Variants in CALB2 observed in about 807,000 individuals in gnomAD.
CALB2 encodes the protein calretinin.
CALB2 carries 34 observed loss-of-function variants against 45.9 expected under a neutral mutation model. The observed-to-expected ratio is 0.74, with a 90% CI of 0.56 to 0.99. The LOEUF (loss-of-function observed/expected upper bound fraction) is 0.99. Among genes scored for constraint, CALB2 ranks in the 50% least tolerant of loss-of-function variants. The probability of loss-of-function intolerance (pLI) is 0.00; values close to 1 mark genes in which losing one functional copy is unlikely to be tolerated. For missense variants in CALB2, 344 were observed against 339.3 expected, an observed-to-expected ratio of 1.01 and a Z score of -0.11; for synonymous variants, 142 against 129.6, an observed-to-expected ratio of 1.10 and a Z score of -0.65.
At chr16:71,389,702 G>A (rs551465538) in intron 10 of CALB2, 47 bp from the exon 11 acceptor site, 12 of 1,402,734 alleles carry the variant, frequency 8.6e-6, no homozygotes, top group African/African-American at 7.0e-5. Flanking sequence ...TCCTTGCGTC[G>A]GGACCATCCC....
Position 71,389,738 on chromosome 16 carries a change from G to A in CALB2, c.700-11G>A. 1 of 1,604,244 alleles carries A rather than the reference G, an allele frequency of 6.2e-7. No homozygotes were observed. Among genetic ancestry groups the A allele is most frequent in the Non-Finnish European group, 8.5e-7 (1 of 1,171,536 alleles). On this transcript the variant is annotated splice_polypyrimidine_tract_variant and intron_variant, in intron 10 of 10. Transcript: ENST00000302628. ...CTGAACCTGCTCTTACCCTCTCCCT[G>A]TATTTCCTAGGAAATGAATATTCAA...
At chr16:71,389,593 G>C (rs920443088) in intron 10 of CALB2, 156 bp from the exon 11 acceptor site, 1 of 759,138 alleles carries the variant, frequency 1.3e-6, no homozygotes, top group Non-Finnish European at 2.4e-6. Flanking sequence ...CCATCTGTCT[G>C]ACTCCAAAAT....
intron 4 of CALB2, among the ~76,000 whole-genome samples, chr16:71,381,372 A>G (rs1251155560): frequency 6.6e-6 from 1 of 151,422 alleles, no homozygotes; most frequent in East Asian, 1.9e-4. Context: ...TATAGTACAA[A>G]TCTACCCTTT....
chr16:71,367,667 A>G (rs1321656452), intron 1 of CALB2, among the ~76,000 whole-genome samples: 1 of 152,126 alleles, frequency 6.6e-6, no homozygotes. Context: ...CTCTTGGGAA[A>G]TGGGCCCACA....
At position 71,389,860 on chromosome 16, in the gene CALB2, A is replaced by G; in HGVS notation, c.811A>G (p.Met271Val). ...GATTGTGCTCTGCAGCGAGCCCCCCATGTAAAGTGGGGACGGGGGCTGCTT... is the reference window on the plus strand; with the variant it reads ...GATTGTGCTCTGCAGCGAGCCCCCCGTGTAAAGTGGGGACGGGGGCTGCTT... ...LEIVLCSEPPM is the reference protein window; with the variant it reads ...LEIVLCSEPPV Residue 271 changes from methionine to valine, a missense_variant, in exon 11 of 11, where the codon ATG (methionine) becomes GTG (valine). By Grantham distance (21) the Met-to-Val change is conservative (BLOSUM62 1). Transcript: ENST00000302628. The G allele has an allele frequency of 1.2e-6, 2 of 1,609,900 alleles. No homozygotes were observed. The highest frequency in any genetic ancestry group is 1.3e-5 in the African/African-American group (1 of 74,978).
chr16:71,377,720 C>A lies in CALB2; in HGVS notation c.315C>A (p.His105Gln), dbSNP rs771060964. Residue 105 changes from histidine to glutamine, a missense_variant, in exon 4 of 11, where the codon CAC (histidine) becomes CAA (glutamine). Physicochemically the swap from His to Gln is conservative, Grantham distance 24 (BLOSUM62 0). Around this residue, in one of 3 missense-constraint regions of CALB2, gnomAD observed 263 missense variants for 241.7 expected, o/e 1.09. Transcript: ENST00000302628. The part of the protein sequence containing the change: ...EENFLLCFRQ[H>Q]VGSSAEFMEA... ...ACTTCCTTCTGTGCTTCAGGCAGCA[C>A]GTGGGCTCCAGCGCCGAGTTTATGG... is the stretch of plus-strand genomic sequence containing the variant. The A allele has an allele frequency of 1.2e-6, 2 of 1,614,058 alleles. No homozygotes were observed. Among genetic ancestry groups the A allele is most frequent in the Admixed American group, 1.7e-5 (1 of 60,026 alleles).
chr16:71,377,632 C>A (rs770739478), intron 3 of CALB2, 35 bp from the exon 4 acceptor site: 1 of 1,500,256 alleles, frequency 6.7e-7, no homozygotes, highest in Admixed American at 1.7e-5. Context: ...TCAAGTCCCT[C>A]CATAACGTTA....
At chr16:71,388,348 AAAAG>A (rs1410737373) in intron 10 of CALB2, among the ~76,000 whole-genome samples, 3 of 143,722 alleles carry the variant, frequency 2.1e-5, no homozygotes, top group African/African-American at 7.5e-5. Context: ...AAAAAAAAAA[AAAAG>A]AAAAAGAAAA....
rs776949800 is a variant in CALB2 at position 71,358,775 on chromosome 16, G to A, written c.-18G>A. The A allele has an allele frequency of 2.5e-6, 4 of 1,596,280 alleles. No homozygotes were observed. The highest frequency in any genetic ancestry group is 1.7e-4 in the Middle Eastern group (1 of 5,940). The stretch of plus-strand genomic sequence containing the variant: ...CGGAGCGGGAGCGGTGCAGGCTGAG[G>A]TCTCCGAGCGGCTCGCCATGGCTGG... On this transcript the variant is annotated 5_prime_UTR_variant, in exon 1 of 11. Coordinates refer to ENST00000302628, the MANE Select transcript of CALB2 (RefSeq NM_001740.5).
intron 1 of CALB2, among the ~76,000 whole-genome samples, chr16:71,367,496 G>A (rs2042301497): frequency 6.6e-6 from 1 of 152,170 alleles, no homozygotes; most frequent in African/African-American, 2.4e-5. Flanking sequence ...TTGCTTTGAG[G>A]GAAGCCAGAG....
intron 4 of CALB2, among the ~76,000 whole-genome samples, chr16:71,379,837 T>C (rs1339934089): frequency 6.6e-6 from 1 of 152,214 alleles, no homozygotes; most frequent in Non-Finnish European, 1.5e-5. Context: ...ATTTTTTAAG[T>C]GACAGCTTGC....
chr16:71,375,049 G>A (rs957184964), intron 3 of CALB2, among the ~76,000 whole-genome samples: 2 of 152,192 alleles, frequency 1.3e-5, no homozygotes, highest in Admixed American at 6.5e-5. Context: ...CAAAGATAGG[G>A]GTGGAGACCT....
intron 1 of CALB2, among the ~76,000 whole-genome samples, chr16:71,359,707 TGGTGGTCTGACTCAGGCATAAAG>T (rs758353513): frequency 1.4e-4 from 22 of 152,182 alleles, no homozygotes; most frequent in Non-Finnish European, 2.4e-4. Flanking sequence ...CAAGTGTCTG[TGGTGGTCTGACTCAGGCATAAAG>T]GGTGGTCCTC....
At chr16:71,384,500 C>T (rs553566161) in intron 8 of CALB2, 122 bp downstream of exon 8, 22 of 797,564 alleles carry the variant, frequency 2.8e-5, no homozygotes, top group Middle Eastern at 2.3e-4. Context: ...CACACACACA[C>T]AAAACACACC....
chr16:71,377,768 T>A, intron 4 of CALB2, 21 bp downstream of exon 4: 1 of 1,585,518 alleles, frequency 6.3e-7, no homozygotes, highest in Non-Finnish European at 8.7e-7. Flanking sequence ...GGCACCACCT[T>A]CTTTCTAAGC....
chr16:71,381,491 A>G (rs62055054), intron 4 of CALB2, among the ~76,000 whole-genome samples: 20,356 of 152,042 alleles, frequency 0.13, 1,476 homozygotes, highest in South Asian at 0.19. Context: ...TGGTGTTTAA[A>G]AAGAGACATT....
At chr16:71,384,509 CCA>C (rs1249410284) in intron 8 of CALB2, 131 bp downstream of exon 8, 12 of 776,970 alleles carry the variant, frequency 1.5e-5, no homozygotes, top group East Asian at 1.5e-4. Flanking sequence ...ACAAAACACA[CCA>C]CACACACAAC....
At position 71,377,806 on chromosome 16, in the gene CALB2, A is replaced by G. The variant is rs1169741435; in HGVS notation, c.342+59A>G. On this transcript the variant is annotated intron_variant, in intron 4 of 10. Coordinates refer to ENST00000302628, the MANE Select transcript of CALB2 (RefSeq NM_001740.5). The stretch of plus-strand genomic sequence containing the variant: ...TGGGACCTGCCTTCCTCCTGTGTTC[A>G]GAGCCAGGCCCACCCTCCTGCCTGG... 3.9e-6 allele frequency: 5 copies of G among 1,269,110 alleles called. No individual in the cohort carries two copies. The African/African-American group carries it at 7.4e-5, about 19-fold the overall frequency. The allele number at this position is 1,269,110 out of a possible 1,614,324, so 78.6% of individuals were successfully genotyped here.
chr16:71,384,158 T>G lies in CALB2; in HGVS notation c.533+133T>G, dbSNP rs2042536061. Reference sequence around the variant, plus strand: ...AAGCTCAAGACAAAGCAAGATAGAATTGTGACCGTCAACACCTCACCTTGT... The same window carrying G: ...AAGCTCAAGACAAAGCAAGATAGAAGTGTGACCGTCAACACCTCACCTTGT... On this transcript the variant is annotated intron_variant, in intron 7 of 10. Coordinates refer to ENST00000302628, the MANE Select transcript of CALB2 (RefSeq NM_001740.5). 9.0e-6 allele frequency: 10 copies of G among 1,105,096 alleles called. No individual in the cohort carries two copies. In the Admixed American group the frequency reaches 1.6e-4, roughly 17 times the overall value. 68.5% of individuals were successfully genotyped at this position (1,105,096 alleles called of 1,614,324 possible). A position where few individuals can be genotyped will look rare whatever the true frequency, so the allele number is the denominator to read the frequency against.
Sources: gnomAD v4.1 joint callset for allele counts (sites outside exome capture counted in the v4.1 genomes callset) on GRCh38, gnomAD v4.1.1 for gene constraint, gnomAD v4.1.1 regional missense constraint, MANE v1.5 for transcripts, NCBI Gene and HGNC (gene_info 2026-07-23, HGNC 2026-07-21) for gene names.